DPP6: variants seen among roughly 807,000 people sequenced by gnomAD.
DPP6 encodes the protein A-type potassium channel modulatory protein DPP6.
Under a neutral mutation model 122.6 loss-of-function variants are expected in DPP6, and 69 were observed. The ratio of observed to expected loss-of-function variants is 0.56; its 90% confidence interval spans 0.46 to 0.69. DPP6 has a LOEUF of 0.69. Ranked by LOEUF, DPP6 falls within the 30% of genes least tolerant of loss-of-function variation. DPP6 has a pLI of 0.00. For synonymous variants in DPP6, 418 were observed against 433.1 expected (o/e 0.97, Z 0.43); for missense variants, 928 against 1,116.9 (o/e 0.83, Z 2.41).
intron 1 of DPP6, among the ~76,000 whole-genome samples, chr7:154,305,796 G>A (rs1278863979): frequency 1.3e-5 from 2 of 152,052 alleles, no homozygotes; most frequent in Admixed American, 1.3e-4. Context: ...AGGGCGCCCT[G>A]GCTTGATGAT....
At chr7:154,127,608 CACACACACACACACACACACACACAG>C (rs1427328366) in intron 1 of DPP6, among the ~76,000 whole-genome samples, 5 of 91,674 alleles carry the variant, frequency 5.5e-5, no homozygotes, top group African/African-American at 2.5e-4. Flanking sequence ...CACACACACA[CACACACACACACACACACACACACAG>C]ACACACACAC....
intron 6 of DPP6, among the ~76,000 whole-genome samples, chr7:154,644,931 G>A (rs964009356): frequency 1.3e-5 from 2 of 151,852 alleles, no homozygotes; most frequent in African/African-American, 2.4e-5. Context: ...GGGTAGTCTC[G>A]AACTCCTGAG....
chr7:154,313,710 TATATACAC>T (rs1182039054), intron 1 of DPP6, among the ~76,000 whole-genome samples: 1 of 16,200 alleles, frequency 6.2e-5, no homozygotes, highest in African/African-American at 2.3e-4. Context: ...TATATATATA[TATATACAC>T]ACACACGCAC....
At chr7:153,903,248 G>T (rs1799713564) in intron 1 of DPP6, among the ~76,000 whole-genome samples, 1 of 152,222 alleles carries the variant, frequency 6.6e-6, no homozygotes, top group African/African-American at 2.4e-5. Flanking sequence ...CAGGATGTGG[G>T]ATGGAGGCAT....
intron 1 of DPP6, among the ~76,000 whole-genome samples, chr7:153,997,258 A>G (rs1352719953): frequency 5.3e-5 from 8 of 152,116 alleles, no homozygotes; most frequent in African/African-American, 1.4e-4. Context: ...ACTCACCAGC[A>G]CTGCTTCTGG....
At chr7:154,698,951 T>C (rs1246043014) in intron 7 of DPP6, among the ~76,000 whole-genome samples, 2 of 152,184 alleles carry the variant, frequency 1.3e-5, no homozygotes, top group Non-Finnish European at 2.9e-5. Context: ...ACCTGGAAGA[T>C]CTGAGTAACC....
Position 154,131,269 on chromosome 7 carries a change from G to A in DPP6, c.243+78206G>A, listed in dbSNP as rs868820990. 2.0e-5 allele frequency among the ~76,000 whole-genome samples: 3 copies of A among 152,214 alleles called. 1 individual carries two copies. The highest frequency in any genetic ancestry group is 4.1e-4 in the South Asian group (2 of 4,824). On this transcript the variant is annotated intron_variant, in intron 1 of 25. Coordinates refer to ENST00000377770, the MANE Select transcript of DPP6 (RefSeq NM_130797.4). ...TCTCCACGGCTCCCAGAAGGGGTGTGATATGCAGTTTTAGCCCAAACTTAC... is the reference window on the plus strand; with the variant it reads ...TCTCCACGGCTCCCAGAAGGGGTGTAATATGCAGTTTTAGCCCAAACTTAC...
intron 1 of DPP6, among the ~76,000 whole-genome samples, chr7:154,232,212 TA>T (rs1429792598): frequency 1.3e-5 from 2 of 152,174 alleles, no homozygotes; most frequent in Admixed American, 6.5e-5. Flanking sequence ...GCATGCTCTT[TA>T]ATGGGTAGGG....
At position 154,669,402 on chromosome 7, in the gene DPP6, A is replaced by G. The variant is rs3807218; in HGVS notation, c.723A>G (p.Lys241=). 0.89 allele frequency: 1,381,356 copies of G among 1,556,854 alleles called. 615,219 individuals are homozygous for G. The highest frequency in any genetic ancestry group is 0.91 in the Non-Finnish European group (1,042,708 of 1,149,598). Residue 241 remains lysine (K), a synonymous_variant, in exon 7 of 26, where the codon AAA becomes AAG. Transcript: ENST00000377770. ...ACCCACCAGAAGTCAGCAATGCAAA[A>G]CTTCAGTATGCAGGATGGGGCCCTA... ...SLDPPEVSNA[K]LQYAGWGPKG...
At position 154,857,068 on chromosome 7, in the gene DPP6, C is replaced by T. The variant is rs189089954; in HGVS notation, c.1714+3241C>T. On this transcript the variant is annotated intron_variant, in intron 17 of 25. Coordinates refer to ENST00000377770, the MANE Select transcript of DPP6 (RefSeq NM_130797.4). ...ACTCTGGGTTTCCTGGAGCCTAATT[C>T]AAACTCTAGGAATATTTCATCCCGC... 5.9e-4 allele frequency among the ~76,000 whole-genome samples: 90 copies of T among 152,306 alleles called. No individual in the cohort carries two copies. The East Asian group carries it at 0.015, about 25-fold the overall frequency.
At chr7:154,673,714 C>T (rs924614738) in intron 7 of DPP6, among the ~76,000 whole-genome samples, 1 of 152,200 alleles carries the variant, frequency 6.6e-6, no homozygotes, top group Non-Finnish European at 1.5e-5. Context: ...AATGTTAACA[C>T]AGTGTCTCTC....
rs572633783 is a variant in DPP6, at chr7:154,352,827, G to A, written c.244-93387G>A. Among the ~76,000 whole-genome samples, 4 of 152,308 alleles carry A rather than the reference G, an allele frequency of 2.6e-5. No individual in the cohort carries two copies. In the South Asian group the frequency reaches 8.3e-4, roughly 32 times the overall value. On this transcript the variant is annotated intron_variant, in intron 1 of 25. Coordinates refer to ENST00000377770, the MANE Select transcript of DPP6 (RefSeq NM_130797.4). ...CTGCACGTTCTTCACATGGATCCCA[G>A]AACTTCAGTAAATTTTTTTTTAGAT...
chr7:153,894,168 A>G (rs73494317), intron 1 of DPP6, among the ~76,000 whole-genome samples: 75 of 152,346 alleles, frequency 4.9e-4, no homozygotes, highest in African/African-American at 1.8e-3. Context: ...TCCAAGGACC[A>G]CAAGGATTTT....
chr7:153,835,300 C>A, the DPP6 span, among the ~76,000 whole-genome samples: 13 of 151,986 alleles, frequency 8.6e-5, 1 homozygote, highest in Admixed American at 8.5e-4. Context: ...TAAAGGCTGT[C>A]TTCCTGGTGT....
At chr7:154,818,324 A>T (rs1249614957) in intron 16 of DPP6, among the ~76,000 whole-genome samples, 1 of 152,170 alleles carries the variant, frequency 6.6e-6, no homozygotes, top group Non-Finnish European at 1.5e-5. Flanking sequence ...TGAATGAGGG[A>T]GAAGAAATCT....
the DPP6 span, among the ~76,000 whole-genome samples, chr7:153,840,397 G>A: frequency 1.3e-5 from 2 of 151,726 alleles, no homozygotes; most frequent in South Asian, 2.1e-4. Flanking sequence ...TTTTCTAAAC[G>A]CAACTCACAC....
In DPP6 at chr7:154,456,547, G is replaced by A. The variant is rs140561043; in HGVS notation, c.358+10219G>A. On this transcript the variant is annotated intron_variant, in intron 2 of 25. Coordinates refer to ENST00000377770, the MANE Select transcript of DPP6 (RefSeq NM_130797.4). ...ATGGGAGAAAGGCCTTGAAGGATGC[G>A]GTAGGCTAAAAAATGCGCCCCCCCC... 8.3e-3 allele frequency among the ~76,000 whole-genome samples: 1,107 copies of A among 133,684 alleles called. 9 individuals are homozygous for A. The highest frequency in any genetic ancestry group is 0.012 in the Non-Finnish European group (740 of 62,446). 87.7% of individuals were successfully genotyped at this position (133,684 alleles called of 152,430 possible). A position where few individuals can be genotyped will look rare whatever the true frequency, so the allele number is the denominator to read the frequency against.
intron 1 of DPP6, among the ~76,000 whole-genome samples, chr7:154,313,712 T>TATATATATATATATATATATGC (rs1554515587): frequency 0.019 from 479 of 24,722 alleles, 119 homozygotes; most frequent in Non-Finnish European, 0.032. Context: ...TATATATATA[T>TATATATATATATATATATATGC]ATACACACAC....
intron 1 of DPP6, among the ~76,000 whole-genome samples, chr7:154,405,367 G>A (rs1372996478): frequency 6.6e-6 from 1 of 152,142 alleles, no homozygotes; most frequent in Non-Finnish European, 1.5e-5. Context: ...GTTTTGTGAC[G>A]TGCATGTACT....
Sources: gnomAD v4.1 joint callset for allele counts (sites outside exome capture counted in the v4.1 genomes callset) on GRCh38, gnomAD v4.1.1 for gene constraint, MANE v1.5 for transcripts, NCBI Gene and HGNC (gene_info 2026-07-23, HGNC 2026-07-21) for gene names.